The following MNAT1 variants were observed in gnomAD, a reference collection of about 807,000 sequenced individuals.
MNAT1 encodes MNAT1 component of CDK activating kinase.
A neutral mutation model predicts 42.0 loss-of-function variants in MNAT1; 43 were observed. The ratio of observed to expected loss-of-function variants is 1.02; its 90% CI spans 0.80 to 1.32. The LOEUF (loss-of-function observed/expected upper bound fraction) is 1.32, where lower values mean the gene tolerates loss of function less well. Among genes scored for constraint, MNAT1 ranks in the 40% most tolerant of loss-of-function variants. MNAT1 has a pLI of 0.00. For missense variants in MNAT1, 306 were observed against 350.4 expected (o/e 0.87, Z 1.01); for synonymous variants, 118 against 120.0 (o/e 0.98, Z 0.11).
chr14:60,787,757 A>G (rs954387664), intron 1 of MNAT1, among the ~76,000 whole-genome samples: 7 of 152,164 alleles, frequency 4.6e-5, no homozygotes, highest in African/African-American at 1.7e-4. Flanking sequence ...AATCATCCCT[A>G]AGAAGCCCAA....
chr14:60,922,874 C>T (rs1330596201), intron 7 of MNAT1, among the ~76,000 whole-genome samples: 1 of 152,114 alleles, frequency 6.6e-6, no homozygotes, highest in African/African-American at 2.4e-5. Context: ...TAAAGACAAA[C>T]TGGAAGAAAT....
intron 1 of MNAT1, among the ~76,000 whole-genome samples, chr14:60,789,074 T>G (rs1394135134): frequency 6.6e-6 from 1 of 152,178 alleles, no homozygotes; most frequent in Non-Finnish European, 1.5e-5. Context: ...TTCTGTCTTT[T>G]GATTTAAAGT....
chr14:60,912,697 A>T (rs1327380780), intron 7 of MNAT1, among the ~76,000 whole-genome samples: 1 of 152,082 alleles, frequency 6.6e-6, no homozygotes, highest in African/African-American at 2.4e-5. Context: ...ATCAGCTGTT[A>T]GTTAGTCTGA....
intron 7 of MNAT1, among the ~76,000 whole-genome samples, chr14:60,963,912 G>T (rs1047739670): frequency 6.6e-6 from 1 of 152,082 alleles, no homozygotes; most frequent in Non-Finnish European, 1.5e-5. Context: ...ATTATGACTG[G>T]ACAGGAAGAG....
intron 7 of MNAT1, among the ~76,000 whole-genome samples, chr14:60,928,428 G>A (rs1958284): frequency 0.93 from 141,783 of 152,240 alleles, 66,470 homozygotes; most frequent in Non-Finnish European, 0.99. Context: ...CTTTTCAGAA[G>A]CTGCCAAACT....
chr14:60,846,201 T>C (rs2033678235), intron 6 of MNAT1, among the ~76,000 whole-genome samples: 1 of 152,012 alleles, frequency 6.6e-6, no homozygotes, highest in African/African-American at 2.4e-5. Context: ...GTCTTGATAT[T>C]TTGAGTATTC....
chr14:60,886,741 G>A (rs1291824759), intron 7 of MNAT1, among the ~76,000 whole-genome samples: 3 of 151,028 alleles, frequency 2.0e-5, no homozygotes, highest in Admixed American at 6.6e-5. Context: ...CTACTTTATT[G>A]AATTCATTTT....
chr14:60,742,616 CAA>C (rs374498881), intron 1 of MNAT1, among the ~76,000 whole-genome samples: 7 of 152,302 alleles, frequency 4.6e-5, no homozygotes, highest in African/African-American at 1.4e-4. Context: ...TATTACCCCA[CAA>C]AGATACCTCT....
chr14:60,868,823 A>G (rs965077051), intron 6 of MNAT1, among the ~76,000 whole-genome samples: 5 of 152,024 alleles, frequency 3.3e-5, no homozygotes, highest in African/African-American at 1.2e-4. Flanking sequence ...GTGAAAAGAA[A>G]AAAATAATCA....
At chr14:60,772,916 C>CATTTATTTATTT (rs201818233) in intron 1 of MNAT1, among the ~76,000 whole-genome samples, 30 of 141,892 alleles carry the variant, frequency 2.1e-4, no homozygotes, top group East Asian at 4.1e-4. Context: ...TTTTTTAAAA[C>CATTTATTTATTT]ATTTATTTAT....
intron 7 of MNAT1, among the ~76,000 whole-genome samples, chr14:60,918,477 G>A (rs1187516340): frequency 1.3e-5 from 2 of 150,922 alleles, no homozygotes; most frequent in Non-Finnish European, 3.0e-5. Context: ...CAAAGTGGTG[G>A]GATTAGAGGC....
intron 2 of MNAT1, among the ~76,000 whole-genome samples, chr14:60,796,622 T>A (rs115247046): frequency 6.7e-4 from 102 of 152,298 alleles, no homozygotes; most frequent in African/African-American, 2.3e-3. Context: ...ATGTATTGAG[T>A]ACCTACTATG....
intron 1 of MNAT1, among the ~76,000 whole-genome samples, chr14:60,739,605 A>C (rs948419057): frequency 1.3e-5 from 2 of 152,238 alleles, no homozygotes; most frequent in African/African-American, 4.8e-5. Flanking sequence ...TTGAAGAAGC[A>C]TATTTCCCTA....
chr14:60,737,507 C>G (rs1028670750), intron 1 of MNAT1, among the ~76,000 whole-genome samples: 1 of 151,842 alleles, frequency 6.6e-6, no homozygotes, highest in African/African-American at 2.4e-5. Context: ...GTCCATTGTT[C>G]AAATATAATT....
At chr14:60,910,426 G>T (rs1464338227) in intron 7 of MNAT1, among the ~76,000 whole-genome samples, 7 of 152,220 alleles carry the variant, frequency 4.6e-5, no homozygotes, top group South Asian at 4.2e-4. Flanking sequence ...AATGCTTCCA[G>T]TTTTTGTCCA....
At chr14:60,915,041 G>T (rs75790936) in intron 7 of MNAT1, among the ~76,000 whole-genome samples, 1 of 152,136 alleles carries the variant, frequency 6.6e-6, no homozygotes, top group East Asian at 1.9e-4. Context: ...ATGTAGGTTT[G>T]TTTTTTATTT....
chr14:60,885,120 G>A (rs1404569142), intron 7 of MNAT1, among the ~76,000 whole-genome samples: 2 of 151,524 alleles, frequency 1.3e-5, no homozygotes, highest in Non-Finnish European at 2.9e-5. Flanking sequence ...CTTTATCCTT[G>A]ACCTTTGGGA....
chr14:60,875,548 C>T (rs891669599), intron 6 of MNAT1, among the ~76,000 whole-genome samples: 1 of 151,966 alleles, frequency 6.6e-6, no homozygotes, highest in African/African-American at 2.4e-5. Context: ...AGTACTTAAT[C>T]GTACTTTATT....
intron 7 of MNAT1, among the ~76,000 whole-genome samples, chr14:60,943,321 A>C (rs10133880): frequency 0.89 from 134,782 of 152,068 alleles, 60,767 homozygotes; most frequent in Non-Finnish European, 0.99. Flanking sequence ...ATGAACACTC[A>C]TAAAATTTCA....
Sources: gnomAD v4.1 joint callset for allele counts (sites outside exome capture counted in the v4.1 genomes callset) on GRCh38, gnomAD v4.1.1 for gene constraint, MANE v1.5 for transcripts, NCBI Gene and HGNC (gene_info 2026-07-23, HGNC 2026-07-21) for gene names.